Variants in ERICH3 observed in about 807,000 individuals in gnomAD.
ERICH3 encodes the protein glutamate rich 3, also known as glutamate-rich protein 3.
Under a neutral mutation model 131.1 loss-of-function variants are expected in ERICH3, and 126 were observed. That is an observed-to-expected ratio of 0.96 (90% confidence interval 0.83 to 1.11). ERICH3 has a LOEUF of 1.11. Among genes scored for constraint, ERICH3 ranks in the 50% most tolerant of loss-of-function variants. The pLI, the probability that ERICH3 is intolerant of heterozygous loss-of-function variation, is 0.00. For synonymous variants in ERICH3, 695 were observed against 644.6 expected, an observed-to-expected ratio of 1.08 and a Z score of -1.18; for missense variants, 2,050 against 1,810.7, an observed-to-expected ratio of 1.13 and a Z score of -2.40.
At chr1:74,612,521 CT>C (rs1648744671) in intron 9 of ERICH3, 101 bp downstream of exon 9, 3 of 1,084,134 alleles carry the variant, frequency 2.8e-6, no homozygotes, top group Admixed American at 5.7e-5. Context: ...CCCATCTATA[CT>C]GAATTTCCTT....
intron 13 of ERICH3, among the ~76,000 whole-genome samples, chr1:74,574,940 A>C (rs1647023964): frequency 6.6e-6 from 1 of 151,778 alleles, no homozygotes; most frequent in Non-Finnish European, 1.5e-5. Flanking sequence ...AAATCACTGG[A>C]CTAGATTTTA....
chr1:74,631,670 ATC>A (rs756032213), intron 7 of ERICH3, 41 bp downstream of exon 7: 1 of 1,494,054 alleles, frequency 6.7e-7, no homozygotes, highest in Non-Finnish European at 9.3e-7. Flanking sequence ...GTGCAATGTA[ATC>A]TGAGATAAAT....
intron 12 of ERICH3, among the ~76,000 whole-genome samples, chr1:74,588,933 G>C (rs1268116397): frequency 1.3e-5 from 2 of 152,094 alleles, no homozygotes; most frequent in East Asian, 1.9e-4. Flanking sequence ...GGGAAGTTTG[G>C]AATCTTGTAA....
intron 12 of ERICH3, among the ~76,000 whole-genome samples, chr1:74,582,078 C>T (rs1647191004): frequency 6.6e-6 from 1 of 152,170 alleles, no homozygotes; most frequent in African/African-American, 2.4e-5. Flanking sequence ...GGAGAAGACT[C>T]TCTACCCACC....
rs1242450551 is a variant in ERICH3 at position 74,570,351 on chromosome 1, G to A, written c.*107C>T. On this transcript the variant is annotated 3_prime_UTR_variant, in exon 15 of 15. Coordinates refer to ENST00000326665, the MANE Select transcript of ERICH3 (RefSeq NM_001002912.5). ...GACAAGCGCAACCAGCAACTAAAGA[G>A]GAGAGAGAGAAAATCAAGAATCCTG... 6.6e-6 allele frequency: 1 copy of A among 152,150 alleles called. No homozygotes were observed. Among genetic ancestry groups the A allele is most frequent in the Non-Finnish European group, 1.5e-5 (1 of 68,038 alleles). The allele number at this position is 152,150 out of a possible 1,614,324, so 9.4% of individuals were successfully genotyped here.
rs750861046 is a variant in ERICH3, at chr1:74,612,701, T to A, written c.1109A>T (p.His370Leu). 6.2e-7 allele frequency: 1 copy of A among 1,604,468 alleles called. No individual in the cohort carries two copies. The highest frequency in any genetic ancestry group is 8.5e-7 in the Non-Finnish European group (1 of 1,172,692). ...NRLSSCCEYK[H>L]RKGSRLGGKR... is the part of the protein sequence containing the mutation. The stretch of plus-strand genomic sequence containing the variant: ...GCCTCCAAGCCTGGAACCTTTCCGA[T>A]GCTTGTATTCACAACAGGAGCTTAA... The change falls in exon 9 of 15, where the codon CAT becomes CTT. Residue 370 changes from histidine (H) to leucine (L), a missense_variant. Coordinates refer to ENST00000326665, the MANE Select transcript of ERICH3 (RefSeq NM_001002912.5).
chr1:74,672,318 T>A (rs1476573724), intron 1 of ERICH3, among the ~76,000 whole-genome samples: 1 of 152,164 alleles, frequency 6.6e-6, no homozygotes, highest in Non-Finnish European at 1.5e-5. Flanking sequence ...AGCATCAAAA[T>A]GTTAAAAAGT....
At chr1:74,594,583 C>T (rs575139841) in intron 11 of ERICH3, among the ~76,000 whole-genome samples, 150 of 152,192 alleles carry the variant, frequency 9.9e-4, no homozygotes, top group Admixed American at 2.4e-3. Context: ...CTTGCTTCTA[C>T]CTATAATACA....
chr1:74,642,932 A>G lies in ERICH3; in HGVS notation c.315+95T>C, dbSNP rs961238749. On this transcript the variant is annotated intron_variant, in intron 4 of 14. Transcript: ENST00000326665. The stretch of plus-strand genomic sequence containing the variant: ...CTTCAACTATGTTTTAACCAAAAGT[A>G]AAGTGTCCCAGGGAACTGGAATCAT... The G allele has an allele frequency of 9.9e-6, 9 of 909,918 alleles. No individual in the cohort carries two copies. The African/African-American group carries it at 1.5e-4, about 16-fold the overall frequency. 56.4% of individuals were successfully genotyped at this position (909,918 alleles called of 1,614,324 possible).
In ERICH3 at chr1:74,585,425, T is replaced by G. The variant is rs144306421; in HGVS notation, c.2176+4206A>C. ...TTAAATATGACATACTATAAAATAG[T>G]GAGAAGGAAAATATCATTTTATGCA... is the stretch of plus-strand genomic sequence containing the variant. On this transcript the variant is annotated intron_variant, in intron 12 of 14. Coordinates refer to ENST00000326665, the MANE Select transcript of ERICH3 (RefSeq NM_001002912.5). Among the ~76,000 whole-genome samples the G allele has an allele frequency of 4.9e-3, 739 of 152,284 alleles. 4 individuals are homozygous for G. Among genetic ancestry groups the G allele is most frequent in the Middle Eastern group, 0.034 (10 of 294 alleles).
At chr1:74,659,670 G>A (rs1367786752) in intron 1 of ERICH3, among the ~76,000 whole-genome samples, 6 of 152,102 alleles carry the variant, frequency 3.9e-5, no homozygotes, top group East Asian at 3.9e-4. Context: ...TATTGTGTGC[G>A]GCATGCACAA....
At chr1:74,656,956 G>T (rs1372267590) in intron 1 of ERICH3, among the ~76,000 whole-genome samples, 1 of 152,184 alleles carries the variant, frequency 6.6e-6, no homozygotes, top group Non-Finnish European at 1.5e-5. Flanking sequence ...GTTGTATGGA[G>T]CTATGCACAC....
intron 12 of ERICH3, among the ~76,000 whole-genome samples, chr1:74,585,890 A>C (rs1375279210): frequency 6.6e-6 from 1 of 152,080 alleles, no homozygotes; most frequent in Non-Finnish European, 1.5e-5. Flanking sequence ...CATTTCCCTG[A>C]GTATTTGTAT....
upstream of ERICH3, chr1:74,673,828 C>T: frequency 3.0e-6 from 1 of 338,644 alleles, no homozygotes; most frequent in Non-Finnish European, 5.2e-6. Flanking sequence ...GTGAAGCCAG[C>T]TTCTACCCCT....
intron 6 of ERICH3, among the ~76,000 whole-genome samples, chr1:74,633,067 C>G (rs1321706477): frequency 6.6e-6 from 1 of 151,570 alleles, no homozygotes; most frequent in Admixed American, 6.6e-5. Flanking sequence ...TTATATTGTA[C>G]TTATGTTTAT....
intron 7 of ERICH3, among the ~76,000 whole-genome samples, chr1:74,626,992 G>A (rs1352115935): frequency 1.3e-5 from 2 of 152,102 alleles, no homozygotes; most frequent in African/African-American, 4.8e-5. Context: ...GCCTTTAAAA[G>A]ATGCTTTGCT....
intron 5 of ERICH3, among the ~76,000 whole-genome samples, chr1:74,637,359 A>G (rs984339776): frequency 2.0e-5 from 3 of 152,070 alleles, no homozygotes; most frequent in Admixed American, 1.3e-4. Flanking sequence ...TTCCCCCATT[A>G]GGCCTGGGTG....
chr1:74,666,740 CT>C (rs772576840), intron 1 of ERICH3, among the ~76,000 whole-genome samples: 74 of 151,800 alleles, frequency 4.9e-4, no homozygotes, highest in Non-Finnish European at 9.0e-4. Flanking sequence ...TTTGGGTCGA[CT>C]TTTTAGTTAG....
chr1:74,588,895 A>G (rs373427928), intron 12 of ERICH3, among the ~76,000 whole-genome samples: 87 of 152,320 alleles, frequency 5.7e-4, no homozygotes, highest in African/African-American at 1.7e-3. Context: ...CAGGGATCAG[A>G]AAGTAACTCA....
Sources: gnomAD v4.1 joint callset for allele counts (sites outside exome capture counted in the v4.1 genomes callset) on GRCh38, gnomAD v4.1.1 for gene constraint, MANE v1.5 for transcripts, NCBI Gene and HGNC (gene_info 2026-07-23, HGNC 2026-07-21) for gene names.